The following LIN9 variants were observed in gnomAD, a reference collection of about 807,000 sequenced individuals.
LIN9 encodes lin-9 DREAM MuvB core complex component.
In LIN9, 18 loss-of-function variants were observed where a neutral mutation model predicts 78.0. That is an observed-to-expected ratio of 0.23 (90% CI 0.16 to 0.34). The LOEUF (loss-of-function observed/expected upper bound fraction) is 0.34, where lower values mean the gene tolerates loss of function less well. LIN9 is among the 10% of genes least tolerant of loss of function. The pLI, the probability that LIN9 is intolerant of heterozygous loss-of-function variation, is 1.00. For synonymous variants in LIN9, 192 were observed against 215.2 expected (o/e 0.89, Z 0.94); for missense variants, 451 against 644.1 (o/e 0.70, Z 3.25).
chr1:226,254,890 G>A (rs1315606158), intron 10 of LIN9, among the ~76,000 whole-genome samples: 1 of 132,066 alleles, frequency 7.6e-6, no homozygotes, highest in African/African-American at 2.9e-5. Context: ...TTGCCTGGGC[G>A]ACAGAGCGAG....
chr1:226,267,078 C>A lies in LIN9; in HGVS notation c.817-746G>T, dbSNP rs761567156. Among the ~76,000 whole-genome samples the A allele has an allele frequency of 4.6e-5, 7 of 151,692 alleles. No individual in the cohort carries two copies. The East Asian group carries it at 1.4e-3, about 29-fold the overall frequency. ...TATAGGTGTGAGCAACCGCGCCTGGCCAATTTACTTTTTTTGAAAGGAGAG... is the reference window on the plus strand; with the variant it reads ...TATAGGTGTGAGCAACCGCGCCTGGACAATTTACTTTTTTTGAAAGGAGAG... On this transcript the variant is annotated intron_variant, in intron 8 of 14. Transcript: ENST00000681046.
rs1025481095 is a variant in LIN9, at chr1:226,296,021, T to C, written c.160-75A>G. On this transcript the variant is annotated intron_variant, in intron 3 of 14. Transcript: ENST00000681046. ...TTGTTCCAAAATACAATTCTATACT[T>C]GGAAAACTGAGCTAACTCTGGATTA... 1.7e-5 allele frequency: 16 copies of C among 956,658 alleles called. No individual in the cohort carries two copies. In the African/African-American group the frequency reaches 2.6e-4, roughly 16 times the overall value. 59.3% of individuals were successfully genotyped at this position (956,658 alleles called of 1,614,324 possible).
chr1:226,281,785 C>T (rs1219214975), intron 6 of LIN9, among the ~76,000 whole-genome samples: 1 of 149,936 alleles, frequency 6.7e-6, no homozygotes, highest in African/African-American at 2.5e-5. Flanking sequence ...CCTCCACTAC[C>T]CAGGCTCAAG....
At chr1:226,309,410 G>C, upstream of LIN9, 2 of 994,728 alleles carry the variant, frequency 2.0e-6, no homozygotes, top group Non-Finnish European at 2.4e-6. Context: ...CGCACGGCGA[G>C]GCCCGGCGCC....
intron 10 of LIN9, among the ~76,000 whole-genome samples, chr1:226,260,083 G>A (rs1659469361): frequency 6.6e-6 from 1 of 152,124 alleles, no homozygotes; most frequent in African/African-American, 2.4e-5. Flanking sequence ...CATCACTACA[G>A]ATCCTATGGA....
intron 10 of LIN9, among the ~76,000 whole-genome samples, chr1:226,252,832 TG>T (rs1658925034): frequency 2.0e-5 from 3 of 152,048 alleles, no homozygotes; most frequent in African/African-American, 7.2e-5. Flanking sequence ...CAGTGCGTGG[TG>T]GTGGACACCT....
intron 5 of LIN9, 31 bp from the exon 6 acceptor site, chr1:226,286,489 ACATACAATGT>A: frequency 6.7e-7 from 1 of 1,491,188 alleles, no homozygotes; most frequent in Non-Finnish European, 9.1e-7. Flanking sequence ...TTTAATGGTT[ACATACAATGT>A]GTTACTTTCT....
intron 7 of LIN9, among the ~76,000 whole-genome samples, chr1:226,268,715 A>G (rs771987183): frequency 3.3e-5 from 5 of 152,200 alleles, no homozygotes; most frequent in Non-Finnish European, 7.3e-5. Flanking sequence ...CCCCAGTAGA[A>G]CTCTGGTCAC....
chr1:226,291,770 TAACTA>T (rs999417987), intron 4 of LIN9, among the ~76,000 whole-genome samples: 1 of 152,174 alleles, frequency 6.6e-6, no homozygotes, highest in African/African-American at 2.4e-5. Context: ...GCAATACTAT[TAACTA>T]AACTACAGGC....
At chr1:226,245,481 G>A (rs548045357) in intron 11 of LIN9, among the ~76,000 whole-genome samples, 77 of 151,814 alleles carry the variant, frequency 5.1e-4, no homozygotes, top group African/African-American at 1.8e-3. Flanking sequence ...GGAGTTCAGC[G>A]GTACCATCCT....
chr1:226,247,703 G>A (rs776301656), intron 11 of LIN9, among the ~76,000 whole-genome samples: 5 of 142,700 alleles, frequency 3.5e-5, no homozygotes, highest in East Asian at 2.0e-4. Flanking sequence ...ACAGAGTCTC[G>A]CTCTGTTGCC....
At chr1:226,303,934 G>C (rs1662731472) in intron 1 of LIN9, among the ~76,000 whole-genome samples, 1 of 152,310 alleles carries the variant, frequency 6.6e-6, no homozygotes, top group Admixed American at 6.5e-5. Context: ...ATGCAGGATA[G>C]CATAGTGGTT....
intron 4 of LIN9, among the ~76,000 whole-genome samples, chr1:226,294,122 A>G (rs1029174087): frequency 1.3e-4 from 19 of 151,904 alleles, no homozygotes; most frequent in African/African-American, 4.6e-4. Flanking sequence ...AGCCTGGCCA[A>G]TGTGGCAAAA....
rs146958073 is a variant in LIN9, at chr1:226,252,298, A to G, written c.1039-1379T>C. Among the ~76,000 whole-genome samples, 27 of 148,444 alleles carry G rather than the reference A, an allele frequency of 1.8e-4. No individual in the cohort carries two copies. In the East Asian group the frequency reaches 5.6e-3, roughly 31 times the overall value. ...CCCATCTCAAAATAAATAAATAAATAAATAAATAAATAAATAAATAAATGA... is the reference window on the plus strand; with the variant it reads ...CCCATCTCAAAATAAATAAATAAATGAATAAATAAATAAATAAATAAATGA... On this transcript the variant is annotated intron_variant, in intron 10 of 14. Transcript: ENST00000681046.
At chr1:226,282,811 ACT>A (rs1215036061) in intron 6 of LIN9, among the ~76,000 whole-genome samples, 2 of 152,132 alleles carry the variant, frequency 1.3e-5, no homozygotes, top group East Asian at 1.9e-4. Flanking sequence ...ACAGAGTGAG[ACT>A]CTGTCTCAAA....
At chr1:226,288,054 C>T (rs910126409) in intron 4 of LIN9, among the ~76,000 whole-genome samples, 3 of 152,100 alleles carry the variant, frequency 2.0e-5, no homozygotes, top group African/African-American at 7.2e-5. Flanking sequence ...TCACTGCAAC[C>T]TCTGCCTCCC....
chr1:226,297,035 T>A (rs1259496136), intron 3 of LIN9, among the ~76,000 whole-genome samples: 1 of 152,060 alleles, frequency 6.6e-6, no homozygotes, highest in Non-Finnish European at 1.5e-5. Flanking sequence ...CTCAGAGTCT[T>A]GATACTCTAT....
chr1:226,236,232 C>T (rs1464542870), intron 12 of LIN9, among the ~76,000 whole-genome samples: 2 of 151,056 alleles, frequency 1.3e-5, no homozygotes, highest in East Asian at 1.9e-4. Flanking sequence ...GTAAAGTGTA[C>T]AGGTTAATGA....
intron 6 of LIN9, among the ~76,000 whole-genome samples, chr1:226,283,001 C>T (rs928667419): frequency 9.9e-5 from 15 of 152,072 alleles, no homozygotes; most frequent in Non-Finnish European, 2.2e-4. Flanking sequence ...TTGTTGCCCA[C>T]GCTGGAGTGC....
Sources: allele counts gnomAD v4.1 joint callset (sites outside exome capture counted in the v4.1 genomes callset), GRCh38; gene constraint gnomAD v4.1.1; transcripts MANE v1.5; gene names NCBI Gene and HGNC (gene_info 2026-07-23, HGNC 2026-07-21).